ARSG: variants seen among roughly 807,000 people sequenced by gnomAD.
ARSG encodes ASG.
In ARSG, 37 loss-of-function variants were observed where a neutral mutation model predicts 50.5. The ratio of observed to expected loss-of-function variants is 0.73; its 90% CI spans 0.56 to 0.96. The LOEUF is 0.96. Among genes scored for constraint, ARSG ranks in the 50% least tolerant of loss-of-function variants. The pLI, the probability that ARSG is intolerant of heterozygous loss-of-function variation, is 0.00. For missense variants in ARSG, 629 were observed against 675.3 expected, an observed-to-expected ratio of 0.93 and a Z score of 0.76; for synonymous variants, 225 against 254.6, an observed-to-expected ratio of 0.88 and a Z score of 1.11.
At chr17:68,272,798 G>T (rs1354374959) in intron 1 of ARSG, 1 of 1,612,106 alleles carries the variant, frequency 6.2e-7, no homozygotes, top group African/African-American at 1.3e-5. Flanking sequence ...AAGCCAATGA[G>T]ACCCACATAC....
chr17:68,424,044 T>G (rs927073644), downstream of ARSG, among the ~76,000 whole-genome samples: 4 of 152,170 alleles, frequency 2.6e-5, no homozygotes, highest in Non-Finnish European at 5.9e-5. Flanking sequence ...AAGCCTCGAC[T>G]TCAGGTAAAT....
At chr17:68,407,750 T>C (rs1295541013) in intron 11 of ARSG, among the ~76,000 whole-genome samples, 1 of 152,164 alleles carries the variant, frequency 6.6e-6, no homozygotes, top group East Asian at 1.9e-4. Flanking sequence ...TCTAGGAGCT[T>C]TCTGGAGGAG....
At chr17:68,446,843 C>T in the ARSG span, among the ~76,000 whole-genome samples, 16 of 152,156 alleles carry the variant, frequency 1.1e-4, no homozygotes, top group African/African-American at 2.9e-4. Flanking sequence ...ATCTGCTCTG[C>T]GGCTCACTCA....
chr17:68,309,002 G>A (rs1407912014), intron 2 of ARSG, among the ~76,000 whole-genome samples: 2 of 152,362 alleles, frequency 1.3e-5, no homozygotes, highest in Non-Finnish European at 2.9e-5. Flanking sequence ...AGGAGCCCAC[G>A]GAGGGGGTGG....
chr17:68,411,416 C>T (rs2081989451), intron 11 of ARSG, among the ~76,000 whole-genome samples: 1 of 152,156 alleles, frequency 6.6e-6, no homozygotes, highest in African/African-American at 2.4e-5. Context: ...TATTCAGTTT[C>T]CATGTAGTTG....
At chr17:68,320,780 G>A (rs747864112) in intron 2 of ARSG, among the ~76,000 whole-genome samples, 17 of 152,134 alleles carry the variant, frequency 1.1e-4, no homozygotes, top group Non-Finnish European at 1.9e-4. Context: ...GAAGGGCGGG[G>A]GTCACGTTGC....
rs184371452 is a variant in ARSG, at chr17:68,292,311, T to C, written c.-552+743T>C. ...CGCGGGGAGCCCTCTGTAAGGGACC[T>C]GGAGGTTTAGACAGTCCGTGCCCCT... is the stretch of plus-strand genomic sequence containing the variant. On this transcript the variant is annotated intron_variant, in intron 1 of 11. Coordinates refer to ENST00000621439, the MANE Select transcript of ARSG (RefSeq NM_001267727.2). Among the ~76,000 whole-genome samples the C allele has an allele frequency of 4.6e-4, 70 of 152,256 alleles. No individual in the cohort carries two copies. The East Asian group carries it at 0.013, about 28-fold the overall frequency.
At chr17:68,281,365 G>A (rs529250325) in intron 1 of ARSG, among the ~76,000 whole-genome samples, 222 of 151,988 alleles carry the variant, frequency 1.5e-3, no homozygotes, top group African/African-American at 5.1e-3. Context: ...TCAAGAGATC[G>A]AGACCATCCT....
At chr17:68,444,302 C>T in the ARSG span, among the ~76,000 whole-genome samples, 1 of 152,200 alleles carries the variant, frequency 6.6e-6, no homozygotes, top group Non-Finnish European at 1.5e-5. Context: ...GGGCACACAG[C>T]CCCCCTGCAG....
intron 2 of ARSG, among the ~76,000 whole-genome samples, chr17:68,319,774 T>C (rs1206660673): frequency 6.6e-6 from 1 of 152,180 alleles, no homozygotes; most frequent in Non-Finnish European, 1.5e-5. Context: ...AACCAGCCTT[T>C]AGAATGCAGG....
chr17:68,355,847 A>C (rs553183101), intron 5 of ARSG, among the ~76,000 whole-genome samples: 6 of 151,982 alleles, frequency 3.9e-5, no homozygotes, highest in Non-Finnish European at 8.8e-5. Context: ...GCTTAAAATT[A>C]AAATTGTCCC....
intron 6 of ARSG, among the ~76,000 whole-genome samples, chr17:68,365,257 A>G (rs2079491275): frequency 6.6e-6 from 1 of 152,218 alleles, no homozygotes; most frequent in Admixed American, 6.5e-5. Context: ...GGTTGTAGTG[A>G]GCCAAGATCG....
chr17:68,349,006 T>C (rs1327069475), intron 4 of ARSG, among the ~76,000 whole-genome samples: 3 of 152,092 alleles, frequency 2.0e-5, no homozygotes, highest in Non-Finnish European at 4.4e-5. Context: ...TAAAATTTTA[T>C]TAGAAAACAG....
chr17:68,285,874 G>A (rs558611800), intron 1 of ARSG, among the ~76,000 whole-genome samples: 5 of 151,686 alleles, frequency 3.3e-5, no homozygotes, highest in East Asian at 3.9e-4. Context: ...AATTCTTTGC[G>A]TCAGCCTCCC....
At chr17:68,443,940 T>C in the ARSG span, among the ~76,000 whole-genome samples, 1 of 152,210 alleles carries the variant, frequency 6.6e-6, no homozygotes, top group Non-Finnish European at 1.5e-5. Context: ...ATCCAAACCA[T>C]TCCTCTTCTT....
chr17:68,326,231 G>C (rs2077497609), intron 2 of ARSG, among the ~76,000 whole-genome samples: 1 of 152,202 alleles, frequency 6.6e-6, no homozygotes, highest in African/African-American at 2.4e-5. Context: ...AGCCGGGTCA[G>C]GGAGATCTCC....
chr17:68,366,506 G>A (rs2079553648), intron 6 of ARSG, among the ~76,000 whole-genome samples: 1 of 152,182 alleles, frequency 6.6e-6, no homozygotes, highest in Admixed American at 6.5e-5. Context: ...GCCACAACCT[G>A]CACAACTGTA....
the ARSG span, among the ~76,000 whole-genome samples, chr17:68,434,002 T>A: frequency 6.6e-6 from 1 of 151,950 alleles, no homozygotes; most frequent in Non-Finnish European, 1.5e-5. Context: ...AGGCTGGTCC[T>A]CAGGTGATCT....
intron 6 of ARSG, among the ~76,000 whole-genome samples, chr17:68,363,381 G>A (rs1447682465): frequency 6.6e-6 from 1 of 152,142 alleles, no homozygotes; most frequent in Non-Finnish European, 1.5e-5. Context: ...TGGAAGGGAC[G>A]GAGATAGGGA....
Sources: allele counts gnomAD v4.1 joint callset (sites outside exome capture counted in the v4.1 genomes callset), GRCh38; gene constraint gnomAD v4.1.1; transcripts MANE v1.5; gene names NCBI Gene and HGNC (gene_info 2026-07-23, HGNC 2026-07-21).